Variants in SRP54 observed in about 807,000 individuals in gnomAD.
SRP54 encodes the protein signal recognition particle subunit SRP54.
In SRP54, 10 loss-of-function variants were observed where a neutral mutation model predicts 64.8. The observed-to-expected ratio is 0.15, with a 90% CI of 0.10 to 0.26. SRP54 has a LOEUF of 0.26. Among genes scored for constraint, SRP54 ranks in the 10% least tolerant of loss-of-function variants. The probability of loss-of-function intolerance (pLI) is 1.00; values close to 1 mark genes in which losing one functional copy is unlikely to be tolerated. For synonymous variants in SRP54, 193 were observed against 185.6 expected (o/e 1.04, Z -0.32); for missense variants, 325 against 613.7 (o/e 0.53, Z 4.97).
chr14:35,026,397 C>CT (rs1449094406), intron 14 of SRP54, among the ~76,000 whole-genome samples: 2 of 151,362 alleles, frequency 1.3e-5, no homozygotes, highest in Admixed American at 6.6e-5. Flanking sequence ...TGAGCTAATG[C>CT]TTTTTTTTGT....
chr14:35,007,634 TTATATTATA>T (rs1234975628), intron 5 of SRP54, among the ~76,000 whole-genome samples: 2 of 100,288 alleles, frequency 2.0e-5, no homozygotes, highest in African/African-American at 6.8e-5. Flanking sequence ...TAAAATATAT[TTATATTATA>T]ATAAAATATA....
chr14:35,022,459 C>T (rs1285187487), intron 13 of SRP54, among the ~76,000 whole-genome samples: 1 of 151,852 alleles, frequency 6.6e-6, no homozygotes, highest in Non-Finnish European at 1.5e-5. Flanking sequence ...CAGGTTCAAG[C>T]GATTCTTCTG....
At chr14:35,004,523 TAA>T (rs1018088716) in intron 4 of SRP54, 6 of 152,196 alleles carry the variant, frequency 3.9e-5, no homozygotes, top group African/African-American at 1.4e-4. Context: ...GTAACGAGTA[TAA>T]AAGTTTATAT....
intron 7 of SRP54, among the ~76,000 whole-genome samples, chr14:35,010,684 G>A (rs1405644749): frequency 6.6e-6 from 1 of 152,006 alleles, no homozygotes; most frequent in Non-Finnish European, 1.5e-5. Flanking sequence ...AGAATCCCTT[G>A]AACCCAGGAG....
chr14:34,999,427 C>T, intron 2 of SRP54, 131 bp from the exon 3 acceptor site: 3 of 595,084 alleles, frequency 5.0e-6, no homozygotes, highest in Non-Finnish European at 8.8e-6. Context: ...ATTATCTCTC[C>T]AAGAACTAAC....
At chr14:35,014,593 T>G in intron 10 of SRP54, 151 bp from the exon 11 acceptor site, 1 of 605,556 alleles carries the variant, frequency 1.7e-6, no homozygotes, top group South Asian at 2.1e-5. Context: ...CCACTTAACT[T>G]TCTTAGCTTT....
chr14:35,023,173 A>C (rs1296172919), intron 14 of SRP54, 93 bp downstream of exon 14: 20 of 1,018,184 alleles, frequency 2.0e-5, no homozygotes, highest in Middle Eastern at 4.6e-4. Context: ...TTCACAGCTG[A>C]ATTTCATGTT....
At chr14:34,987,525 T>C (rs1412709525) in intron 1 of SRP54, among the ~76,000 whole-genome samples, 1 of 152,108 alleles carries the variant, frequency 6.6e-6, no homozygotes, top group Non-Finnish European at 1.5e-5. Context: ...ACAATTCATG[T>C]GGAACCATAA....
intron 2 of SRP54, chr14:34,997,009 G>A (rs933333093): frequency 3.2e-5 from 13 of 410,106 alleles, no homozygotes; most frequent in East Asian, 1.6e-4. Flanking sequence ...AAAAAAAATC[G>A]AAAAAAACCT....
intron 2 of SRP54, among the ~76,000 whole-genome samples, chr14:34,998,973 A>ATG (rs34646567): frequency 0.057 from 3,644 of 63,538 alleles, 162 homozygotes; most frequent in African/African-American, 0.11. Context: ...CTTTGTGTGT[A>ATG]TGTGTGTGTG....
At chr14:34,996,903 A>G (rs2044081109) in intron 2 of SRP54, 116 bp downstream of exon 2, 1 of 721,766 alleles carries the variant, frequency 1.4e-6, no homozygotes, top group Admixed American at 2.3e-5. Flanking sequence ...TAATACTTGT[A>G]GATAAAAGCC....
chr14:35,021,694 A>G (rs2044533204), intron 13 of SRP54, among the ~76,000 whole-genome samples: 1 of 152,254 alleles, frequency 6.6e-6, no homozygotes, highest in Non-Finnish European at 1.5e-5. Context: ...ATATACATGA[A>G]TAGGAATGGA....
chr14:35,024,947 T>G (rs1462371919), intron 14 of SRP54, among the ~76,000 whole-genome samples: 2 of 152,138 alleles, frequency 1.3e-5, no homozygotes, highest in Non-Finnish European at 2.9e-5. Flanking sequence ...GCCAGGCTGG[T>G]CTCAAACTCC....
chr14:35,008,686 C>A lies in SRP54; in HGVS notation c.420C>A (p.Phe140Leu). 1 of 1,607,522 alleles carries A rather than the reference C, an allele frequency of 6.2e-7. No individual in the cohort carries two copies. Among genetic ancestry groups the A allele is most frequent in the Non-Finnish European group, 8.5e-7 (1 of 1,177,410 alleles). ...CCTGTTTAATATGTGCAGACACATT[C>A]AGAGCAGGTAATGTCTTGAAATTTG... is the stretch of plus-strand genomic sequence containing the variant. ...WKTCLICADTFRAGAFDQLKQ... is the reference protein window; with the variant it reads ...WKTCLICADTLRAGAFDQLKQ... Residue 140 changes from phenylalanine (F) to leucine (L), a missense_variant, in exon 6 of 16, where the codon TTC becomes TTA. Physicochemically the swap from Phe to Leu is conservative, Grantham distance 22. This residue lies in a region of SRP54 where 156 missense variants were observed against 254.6 expected (regional missense o/e 0.61). Coordinates refer to ENST00000216774, the MANE Select transcript of SRP54 (RefSeq NM_003136.4).
At chr14:35,025,196 C>G (rs2044602274) in intron 14 of SRP54, among the ~76,000 whole-genome samples, 1 of 152,120 alleles carries the variant, frequency 6.6e-6, no homozygotes, top group Non-Finnish European at 1.5e-5. Flanking sequence ...AATTCAGAGT[C>G]TGTGAAAATT....
At chr14:35,013,247 A>G (rs1432477211) in intron 8 of SRP54, 99 bp from the exon 9 acceptor site, 4 of 1,163,572 alleles carry the variant, frequency 3.4e-6, no homozygotes, top group Non-Finnish European at 4.9e-6. Context: ...GAGCCACTGC[A>G]CCTGGCTCTA....
intron 1 of SRP54, among the ~76,000 whole-genome samples, chr14:34,995,189 A>G (rs1369681059): frequency 6.9e-5 from 6 of 87,538 alleles, no homozygotes; most frequent in South Asian, 3.5e-4. Context: ...GTGTGTGTGT[A>G]GAGAGAGAGA....
intron 11 of SRP54, among the ~76,000 whole-genome samples, chr14:35,015,283 C>T (rs2044420224): frequency 6.6e-6 from 1 of 152,114 alleles, no homozygotes; most frequent in South Asian, 2.1e-4. Flanking sequence ...GCCATGTTGG[C>T]CAGGCTGGTC....
chr14:35,001,058 C>T, intron 4 of SRP54, 38 bp downstream of exon 4: 7 of 1,112,766 alleles, frequency 6.3e-6, no homozygotes, highest in Non-Finnish European at 9.0e-6. Context: ...ATTCTATACT[C>T]AGTGGATAAA....
Sources: allele counts gnomAD v4.1 joint callset (sites outside exome capture counted in the v4.1 genomes callset), GRCh38; gene constraint gnomAD v4.1.1; regional missense constraint gnomAD v4.1.1; transcripts MANE v1.5; gene names NCBI Gene and HGNC (gene_info 2026-07-23, HGNC 2026-07-21).